RBFOX1: variants seen among roughly 807,000 people sequenced by gnomAD.
RBFOX1 encodes the protein RNA binding fox-1 homolog 1, also known as RNA binding protein fox-1 homolog 1.
Under a neutral mutation model 57.7 loss-of-function variants are expected in RBFOX1, and 8 were observed. That is an observed-to-expected ratio of 0.14 (90% CI 0.08 to 0.25). The LOEUF (loss-of-function observed/expected upper bound fraction) is 0.25, where lower values mean the gene tolerates loss of function less well. RBFOX1 is among the 10% of genes least tolerant of loss of function. The pLI, the probability that RBFOX1 is intolerant of heterozygous loss-of-function variation, is 1.00. For synonymous variants in RBFOX1, 326 were observed against 222.4 expected (o/e 1.47, Z -4.15); for missense variants, 611 against 548.5 (o/e 1.11, Z -1.14).
chr16:7,579,746 G>C, intron 5 of RBFOX1, 31 bp from the exon 6 acceptor site: 1 of 1,613,874 alleles, frequency 6.2e-7, no homozygotes, highest in Non-Finnish European at 8.5e-7. Flanking sequence ...GGTCCACTGA[G>C]AACCTCTTCG....
chr16:7,420,500 C>G (rs968080327), intron 4 of RBFOX1, among the ~76,000 whole-genome samples: 6 of 152,150 alleles, frequency 3.9e-5, no homozygotes, highest in African/African-American at 1.4e-4. Flanking sequence ...CATCTCTTGT[C>G]AGACTCATGT....
At chr16:5,873,825 C>T (rs1436500258) in intron 4 of RBFOX1, among the ~76,000 whole-genome samples, 2 of 152,050 alleles carry the variant, frequency 1.3e-5, no homozygotes, top group African/African-American at 2.4e-5. Context: ...TTTATAGAGG[C>T]TTCTCAGAGG....
chr16:6,864,788 A>C (rs1019717820), intron 3 of RBFOX1, among the ~76,000 whole-genome samples: 3 of 152,094 alleles, frequency 2.0e-5, no homozygotes, highest in Middle Eastern at 3.4e-3. Flanking sequence ...ATGTGGGTTT[A>C]AAAACAATAA....
chr16:5,966,278 T>C (rs2059841857), intron 4 of RBFOX1, among the ~76,000 whole-genome samples: 2 of 152,164 alleles, frequency 1.3e-5, no homozygotes, highest in East Asian at 1.9e-4. Context: ...CTGGGTAAAG[T>C]AGAAGTGAAG....
At chr16:6,909,640 A>G (rs1596914179) in intron 3 of RBFOX1, among the ~76,000 whole-genome samples, 1 of 152,220 alleles carries the variant, frequency 6.6e-6, no homozygotes, top group East Asian at 1.9e-4. Flanking sequence ...AAAATCAGAC[A>G]AAGAAATTAT....
intron 1 of RBFOX1, among the ~76,000 whole-genome samples, chr16:5,315,204 A>G (rs993304000): frequency 1.3e-5 from 2 of 152,208 alleles, no homozygotes; most frequent in Non-Finnish European, 1.5e-5. Flanking sequence ...ACCGGAGGGA[A>G]GATGCCAGAG....
intron 2 of RBFOX1, among the ~76,000 whole-genome samples, chr16:6,527,947 G>C (rs1375729531): frequency 6.6e-6 from 1 of 152,060 alleles, no homozygotes; most frequent in Non-Finnish European, 1.5e-5. Context: ...CTTTTCCCAT[G>C]GCATCGCTGA....
At chr16:7,304,236 G>A in intron 4 of RBFOX1, 1 of 983,374 alleles carries the variant, frequency 1.0e-6, no homozygotes, top group Non-Finnish European at 1.2e-6. Context: ...GAGAGAGAGA[G>A]AGAGAGAGAG....
At chr16:7,466,065 C>G (rs973276245) in intron 4 of RBFOX1, among the ~76,000 whole-genome samples, 7 of 152,172 alleles carry the variant, frequency 4.6e-5, no homozygotes, top group African/African-American at 1.2e-4. Flanking sequence ...TAAACCTGCT[C>G]AGAGACTTTC....
intron 1 of RBFOX1, among the ~76,000 whole-genome samples, chr16:6,074,778 T>G (rs985587465): frequency 6.6e-6 from 1 of 152,066 alleles, no homozygotes; most frequent in African/African-American, 2.4e-5. Flanking sequence ...AGCTCAAGCG[T>G]CAGGCCTCAC....
intron 3 of RBFOX1, among the ~76,000 whole-genome samples, chr16:6,882,130 A>G (rs538489049): frequency 6.6e-6 from 1 of 152,166 alleles, no homozygotes; most frequent in African/African-American, 2.4e-5. Flanking sequence ...AGGAAAGTCA[A>G]GGCTGCTGAT....
intron 2 of RBFOX1, among the ~76,000 whole-genome samples, chr16:6,320,131 G>A (rs1032901233): frequency 3.9e-5 from 6 of 152,144 alleles, no homozygotes; most frequent in African/African-American, 1.4e-4. Flanking sequence ...TAAGAAGAAG[G>A]TGGAGACAGA....
At chr16:5,985,503 T>G (rs529158006) in intron 4 of RBFOX1, among the ~76,000 whole-genome samples, 16 of 152,182 alleles carry the variant, frequency 1.1e-4, no homozygotes, top group Non-Finnish European at 1.8e-4. Flanking sequence ...AAGCTGGTAT[T>G]AGGTTGGTGT....
At chr16:6,273,340 G>GTTT (rs544640090) in intron 1 of RBFOX1, among the ~76,000 whole-genome samples, 42 of 89,878 alleles carry the variant, frequency 4.7e-4, no homozygotes, top group South Asian at 9.2e-4. Flanking sequence ...GTTGTTGTTG[G>GTTT]TTTTTTTTTT....
chr16:6,086,114 G>T (rs768185570), intron 1 of RBFOX1, among the ~76,000 whole-genome samples: 9 of 152,098 alleles, frequency 5.9e-5, no homozygotes, highest in Admixed American at 3.3e-4. Context: ...GAGGACGGTG[G>T]CTCCCAGCTT....
chr16:5,522,897 A>C (rs757669685), intron 2 of RBFOX1, among the ~76,000 whole-genome samples: 5 of 152,212 alleles, frequency 3.3e-5, no homozygotes, highest in Non-Finnish European at 7.3e-5. Flanking sequence ...GCTGAATAGC[A>C]TTCCATCGTG....
chr16:6,715,855 T>G (rs956359530), intron 3 of RBFOX1, among the ~76,000 whole-genome samples: 2 of 152,200 alleles, frequency 1.3e-5, no homozygotes, highest in Non-Finnish European at 2.9e-5. Flanking sequence ...CTGTCTGGGT[T>G]TCTTAGGGTA....
intron 1 of RBFOX1, among the ~76,000 whole-genome samples, chr16:5,327,673 CAG>C (rs1256302219): frequency 2.0e-5 from 3 of 152,200 alleles, no homozygotes; most frequent in Non-Finnish European, 4.4e-5. Flanking sequence ...ACTTTGGAAA[CAG>C]AATGTAGCAG....
chr16:7,573,126 C>T (rs2092962677), intron 5 of RBFOX1, among the ~76,000 whole-genome samples: 1 of 152,120 alleles, frequency 6.6e-6, no homozygotes. Context: ...AAGGTTTCTC[C>T]AATGGGTGAC....
Sources: gnomAD v4.1 joint callset for allele counts (sites outside exome capture counted in the v4.1 genomes callset) on GRCh38, gnomAD v4.1.1 for gene constraint, MANE v1.5 for transcripts, NCBI Gene and HGNC (gene_info 2026-07-23, HGNC 2026-07-21) for gene names.